The following CDH13 variants were observed in gnomAD, a reference collection of about 807,000 sequenced individuals.
CDH13 encodes cadherin 13, also known as cadherin-13.
Under a neutral mutation model 63.8 loss-of-function variants are expected in CDH13, and 24 were observed. The ratio of observed to expected loss-of-function variants is 0.38; its 90% CI spans 0.27 to 0.53. CDH13 has a LOEUF of 0.53. Ranked by LOEUF, CDH13 falls within the 20% of genes least tolerant of loss-of-function variation. The probability of loss-of-function intolerance (pLI) is 0.85; values close to 1 mark genes in which losing one functional copy is unlikely to be tolerated. For synonymous variants in CDH13, 503 were observed against 355.3 expected, an observed-to-expected ratio of 1.42 and a Z score of -4.67; for missense variants, 1,049 against 903.1, an observed-to-expected ratio of 1.16 and a Z score of -2.07.
chr16:82,743,242 T>C (rs2034013393), intron 1 of CDH13, among the ~76,000 whole-genome samples: 1 of 152,218 alleles, frequency 6.6e-6, no homozygotes, highest in African/African-American at 2.4e-5. Context: ...GTTTTTTGTT[T>C]TTGAGACAGG....
At chr16:83,122,943 C>T (rs1316330014) in intron 3 of CDH13, among the ~76,000 whole-genome samples, 3 of 152,088 alleles carry the variant, frequency 2.0e-5, no homozygotes, top group African/African-American at 7.2e-5. Context: ...CTCCCACTTT[C>T]CGAAGTCCCC....
chr16:82,887,282 A>G (rs2040923187), intron 2 of CDH13, among the ~76,000 whole-genome samples: 2 of 152,194 alleles, frequency 1.3e-5, no homozygotes, highest in East Asian at 1.9e-4. Flanking sequence ...TAAGAGTCTA[A>G]TTTGGCCCAG....
intron 2 of CDH13, among the ~76,000 whole-genome samples, chr16:82,998,135 G>T (rs757859719): frequency 6.6e-6 from 1 of 152,106 alleles, no homozygotes; most frequent in East Asian, 1.9e-4. Context: ...AGCCATCCAC[G>T]TTTGTCTCTT....
intron 1 of CDH13, among the ~76,000 whole-genome samples, chr16:82,715,090 TAGAC>T (rs1442654629): frequency 6.7e-6 from 1 of 149,510 alleles, no homozygotes; most frequent in African/African-American, 2.5e-5. Context: ...ACTGGGAACT[TAGAC>T]AGGACCCTAG....
At chr16:82,741,346 G>A (rs1165336499) in intron 1 of CDH13, among the ~76,000 whole-genome samples, 1 of 152,148 alleles carries the variant, frequency 6.6e-6, no homozygotes, top group East Asian at 1.9e-4. Context: ...CTGGTGAATT[G>A]ATGTTTATTC....
intron 2 of CDH13, among the ~76,000 whole-genome samples, chr16:82,895,719 T>G (rs1304228806): frequency 6.6e-6 from 1 of 151,624 alleles, no homozygotes; most frequent in African/African-American, 2.4e-5. Flanking sequence ...GGGTGTTTTC[T>G]GCTTGGTTTT....
chr16:83,582,687 C>G (rs1301534801), intron 7 of CDH13, among the ~76,000 whole-genome samples: 1 of 152,130 alleles, frequency 6.6e-6, no homozygotes, highest in Non-Finnish European at 1.5e-5. Context: ...CTGCAAAGAG[C>G]CACAAATAGC....
chr16:83,429,636 G>A lies in CDH13; in HGVS notation c.782-56841G>A, dbSNP rs2072031374. Among the ~76,000 whole-genome samples, 3 of 152,138 alleles carry A rather than the reference G, an allele frequency of 2.0e-5. No homozygotes were observed. The South Asian group carries it at 6.2e-4, about 32-fold the overall frequency. ...AGCCAAACAACCTACTCAGAATGCT[G>A]AGGGGAAGGTGACCAGTTGTGGCTA... On this transcript the variant is annotated intron_variant, in intron 6 of 13. Coordinates refer to ENST00000567109, the MANE Select transcript of CDH13 (RefSeq NM_001257.5).
At chr16:82,639,112 A>G (rs1027543283) in intron 1 of CDH13, among the ~76,000 whole-genome samples, 1 of 152,164 alleles carries the variant, frequency 6.6e-6, no homozygotes, top group Non-Finnish European at 1.5e-5. Flanking sequence ...TCTATGTTGC[A>G]CTAGTATATA....
chr16:82,849,615 A>C (rs934956755), intron 1 of CDH13, among the ~76,000 whole-genome samples: 4 of 152,270 alleles, frequency 2.6e-5, no homozygotes, highest in African/African-American at 9.6e-5. Flanking sequence ...CGGATACATT[A>C]AATAATACAT....
At chr16:82,972,002 C>T (rs1446238557) in intron 2 of CDH13, among the ~76,000 whole-genome samples, 1 of 152,158 alleles carries the variant, frequency 6.6e-6, no homozygotes, top group Non-Finnish European at 1.5e-5. Context: ...TTGCTGGGCC[C>T]TGCCATAAGC....
chr16:83,344,158 T>C (rs1002783331), intron 5 of CDH13, among the ~76,000 whole-genome samples: 1 of 152,150 alleles, frequency 6.6e-6, no homozygotes, highest in African/African-American at 2.4e-5. Context: ...GCACAGAAAA[T>C]GTGCGCATAA....
At chr16:82,868,168 G>C (rs75440725) in intron 2 of CDH13, among the ~76,000 whole-genome samples, 4,930 of 152,246 alleles carry the variant, frequency 0.032, 258 homozygotes, top group African/African-American at 0.11. Context: ...AATCTGTTGC[G>C]ATGTGCCAAG....
rs143208131 is a variant in CDH13, at chr16:82,686,324, C to T, written c.45+59187C>T. On this transcript the variant is annotated intron_variant, in intron 1 of 13. Coordinates refer to ENST00000567109, the MANE Select transcript of CDH13 (RefSeq NM_001257.5). ...TTGAATTCGTCTCCTCCTGGTTCTG[C>T]GGAGAGCCATGAGAGACTAGAACAC... 9.8e-3 allele frequency among the ~76,000 whole-genome samples: 1,496 copies of T among 152,250 alleles called. 23 individuals carry two copies. Among genetic ancestry groups the T allele is most frequent in the African/African-American group, 0.034 (1,397 of 41,544 alleles).
intron 5 of CDH13, among the ~76,000 whole-genome samples, chr16:83,341,952 G>A (rs2090732090): frequency 6.8e-6 from 1 of 146,762 alleles, no homozygotes; most frequent in South Asian, 2.2e-4. Context: ...CAGCAATAAG[G>A]TTTTCTCCAC....
chr16:83,091,516 C>G (rs1374759133), intron 3 of CDH13, among the ~76,000 whole-genome samples: 1 of 152,194 alleles, frequency 6.6e-6, no homozygotes, highest in East Asian at 1.9e-4. Context: ...CTTACAACTG[C>G]CTTCATTCCT....
At chr16:83,343,059 C>G (rs944634937) in intron 5 of CDH13, among the ~76,000 whole-genome samples, 12 of 151,696 alleles carry the variant, frequency 7.9e-5, no homozygotes, top group African/African-American at 2.2e-4. Flanking sequence ...GCAGATATTA[C>G]GAGGCTCTGT....
At chr16:83,679,483 C>T (rs7197777) in intron 10 of CDH13, among the ~76,000 whole-genome samples, 21,348 of 152,174 alleles carry the variant, frequency 0.14, 1,524 homozygotes, top group African/African-American at 0.19. Context: ...TAGAGCAAGC[C>T]GGTGGAGAAG....
At chr16:82,879,786 A>G (rs2040629479) in intron 2 of CDH13, among the ~76,000 whole-genome samples, 1 of 137,876 alleles carries the variant, frequency 7.3e-6, no homozygotes, top group South Asian at 2.2e-4. Flanking sequence ...ATATATAAGT[A>G]TATAAAATAT....
Sources: allele counts gnomAD v4.1 joint callset (sites outside exome capture counted in the v4.1 genomes callset), GRCh38; gene constraint gnomAD v4.1.1; transcripts MANE v1.5; gene names NCBI Gene and HGNC (gene_info 2026-07-23, HGNC 2026-07-21).